Variants in CD200 observed in about 807,000 individuals in gnomAD.
CD200 encodes OX-2 membrane glycoprotein.
A neutral mutation model predicts 30.9 loss-of-function variants in CD200; 15 were observed. That is an observed-to-expected ratio of 0.49 (90% CI 0.32 to 0.75). The LOEUF (loss-of-function observed/expected upper bound fraction) is 0.75, where lower values mean the gene tolerates loss of function less well. CD200 is among the 30% of genes least tolerant of loss of function. The probability of loss-of-function intolerance (pLI) is 0.03; values close to 1 mark genes in which losing one functional copy is unlikely to be tolerated. For synonymous variants in CD200, 134 were observed against 126.2 expected (o/e 1.06, Z -0.41); for missense variants, 262 against 324.2 (o/e 0.81, Z 1.47).
intron 2 of CD200, among the ~76,000 whole-genome samples, chr3:112,342,385 C>T (rs1349529851): frequency 1.8e-4 from 8 of 44,044 alleles, no homozygotes; most frequent in African/African-American, 5.7e-4. Flanking sequence ...TTCTTTCTTT[C>T]TTTCTTTCTT....
At chr3:112,333,424 G>C in intron 1 of CD200, 200 bp downstream of exon 1, 2 of 985,386 alleles carry the variant, frequency 2.0e-6, no homozygotes, top group Non-Finnish European at 2.4e-6. Context: ...CCTTCCAAAG[G>C]GTGGTTTACA....
intron 2 of CD200, 120 bp downstream of exon 2, chr3:112,341,103 T>C: frequency 1.6e-6 from 1 of 624,092 alleles, no homozygotes; most frequent in Non-Finnish European, 2.8e-6. Context: ...TATTTAAGCA[T>C]GTAATCTGCC....
chr3:112,335,606 T>C (rs1245201362), intron 1 of CD200, among the ~76,000 whole-genome samples: 1 of 152,144 alleles, frequency 6.6e-6, no homozygotes, highest in Non-Finnish European at 1.5e-5. Context: ...TCTCTCTAGC[T>C]GAAGACAAGA....
intron 5 of CD200, among the ~76,000 whole-genome samples, chr3:112,360,269 A>C (rs1291106452): frequency 6.6e-6 from 1 of 152,100 alleles, no homozygotes; most frequent in Non-Finnish European, 1.5e-5. Flanking sequence ...TGGAGGTTAC[A>C]GGGAGCAGAG....
At chr3:112,344,825 G>A (rs563878700) in intron 2 of CD200, 137 bp from the exon 3 acceptor site, 18 of 664,488 alleles carry the variant, frequency 2.7e-5, no homozygotes, top group African/African-American at 1.6e-4. Context: ...ACGTAGGAAT[G>A]TAAATAAATG....
intron 5 of CD200, among the ~76,000 whole-genome samples, chr3:112,355,189 A>G (rs1576623308): frequency 6.6e-6 from 1 of 152,112 alleles, no homozygotes; most frequent in Non-Finnish European, 1.5e-5. Context: ...CTCCCAGTGG[A>G]AGCATTCTCT....
At chr3:112,338,844 G>A (rs374610739) in intron 1 of CD200, among the ~76,000 whole-genome samples, 9 of 152,100 alleles carry the variant, frequency 5.9e-5, no homozygotes, top group African/African-American at 2.2e-4. Context: ...TTTATACATA[G>A]GGGAGGCAAG....
At chr3:112,358,486 C>T (rs1371923626) in intron 5 of CD200, among the ~76,000 whole-genome samples, 1 of 143,418 alleles carries the variant, frequency 7.0e-6, no homozygotes, top group Non-Finnish European at 1.6e-5. Flanking sequence ...CCTGCTAGTG[C>T]AGTTGTATCT....
intron 5 of CD200, among the ~76,000 whole-genome samples, chr3:112,352,884 G>T (rs139446781): frequency 6.6e-6 from 1 of 152,122 alleles, no homozygotes; most frequent in African/African-American, 2.4e-5. Context: ...AGAGCATGAC[G>T]TTGGTTTTTT....
At chr3:112,350,643 A>G (rs1218270568) in intron 5 of CD200, among the ~76,000 whole-genome samples, 1 of 152,198 alleles carries the variant, frequency 6.6e-6, no homozygotes, top group African/African-American at 2.4e-5. Context: ...GTTTTGTGTA[A>G]TGGAAATTTG....
chr3:112,342,678 C>T (rs1286129392), intron 2 of CD200, among the ~76,000 whole-genome samples: 1 of 152,108 alleles, frequency 6.6e-6, no homozygotes, highest in Non-Finnish European at 1.5e-5. Flanking sequence ...TCGCCTCGGC[C>T]TCCCAAAGTG....
chr3:112,337,368 AG>A (rs1266143171), intron 1 of CD200, among the ~76,000 whole-genome samples: 1 of 152,164 alleles, frequency 6.6e-6, no homozygotes. Context: ...AATACAAGTG[AG>A]GGGGAAGACA....
chr3:112,342,341 C>T lies in CD200; in HGVS notation c.94+1358C>T, dbSNP rs1460089414. ...TCTTTCTTTCTTTCTTTCTTTCCTT[C>T]TTTCTTTCTTTCTTTCTTTCTTTCT... On this transcript the variant is annotated intron_variant, in intron 2 of 5. Transcript: ENST00000315711. 3.6e-3 allele frequency among the ~76,000 whole-genome samples: 163 copies of T among 45,458 alleles called. 15 individuals carry two copies. Among genetic ancestry groups the T allele is most frequent in the Middle Eastern group, 9.8e-3 (1 of 102 alleles). 29.8% of individuals were successfully genotyped at this position (45,458 alleles called of 152,430 possible). A position where few individuals can be genotyped will look rare whatever the true frequency, so the allele number is the denominator to read the frequency against.
upstream of CD200, chr3:112,332,986 G>A (rs2081028993): frequency 1.7e-6 from 1 of 599,172 alleles, no homozygotes; most frequent in African/African-American, 1.9e-5. Flanking sequence ...AGGGAAAAAT[G>A]TCTGAAAATA....
chr3:112,349,465 A>C, intron 4 of CD200, among the ~76,000 whole-genome samples: 1 of 152,336 alleles, frequency 6.6e-6, no homozygotes, highest in East Asian at 1.9e-4. Flanking sequence ...TCTGTTAGAA[A>C]ATAATAACTC....
intron 1 of CD200, among the ~76,000 whole-genome samples, chr3:112,336,656 G>C (rs966447664): frequency 8.5e-5 from 12 of 141,670 alleles, no homozygotes; most frequent in African/African-American, 3.2e-4. Flanking sequence ...AGTAGCAACA[G>C]ATGGGGCTAA....
At position 112,340,794 on chromosome 3, in the gene CD200, G is replaced by A. The variant is rs192403308; in HGVS notation, c.13-108G>A. On this transcript the variant is annotated intron_variant, in intron 1 of 5. Transcript: ENST00000315711. ...TCCCACAAAACCAAAATTCTCTGGG[G>A]GGTAAAAACTTAGCTACAACATTCC... 1.7e-5 allele frequency: 12 copies of A among 711,434 alleles called. No homozygotes were observed. The East Asian group carries it at 2.6e-4, about 16-fold the overall frequency. 44.1% of individuals were successfully genotyped at this position (711,434 alleles called of 1,614,324 possible).
chr3:112,332,964 T>C (rs569696402), upstream of CD200: 28 of 561,746 alleles, frequency 5.0e-5, no homozygotes, highest in East Asian at 6.8e-4. Flanking sequence ...TCCCCAGCGG[T>C]CACCTTTGAA....
intron 5 of CD200, among the ~76,000 whole-genome samples, chr3:112,356,097 A>C (rs1263799247): frequency 1.3e-5 from 2 of 152,322 alleles, no homozygotes; most frequent in Middle Eastern, 3.4e-3. Context: ...GGCTATTAAA[A>C]GAGAGCCTCT....
Sources: gnomAD v4.1 joint callset for allele counts (sites outside exome capture counted in the v4.1 genomes callset) on GRCh38, gnomAD v4.1.1 for gene constraint, MANE v1.5 for transcripts, NCBI Gene and HGNC (gene_info 2026-07-23, HGNC 2026-07-21) for gene names.